The following KCNK10 variants were observed in gnomAD, a reference collection of about 807,000 sequenced individuals.
KCNK10 encodes the protein potassium two pore domain channel subfamily K member 10, also known as potassium channel subfamily K member 10.
Under a neutral mutation model 47.7 loss-of-function variants are expected in KCNK10, and 25 were observed. That is an observed-to-expected ratio of 0.52 (90% CI 0.38 to 0.73). KCNK10 has a LOEUF of 0.73. Ranked by LOEUF, KCNK10 falls within the 30% of genes least tolerant of loss-of-function variation. KCNK10 has a pLI of 0.00. For missense variants in KCNK10, 563 were observed against 714.5 expected, an observed-to-expected ratio of 0.79 and a Z score of 2.42; for synonymous variants, 303 against 285.6, an observed-to-expected ratio of 1.06 and a Z score of -0.61.
chr14:88,212,674 A>G (rs1468508107), intron 4 of KCNK10, among the ~76,000 whole-genome samples: 1 of 152,190 alleles, frequency 6.6e-6, no homozygotes, highest in Admixed American at 6.5e-5. Flanking sequence ...CACCTATAGG[A>G]TGAGAACTAC....
chr14:88,326,348 G>A (rs1437831965), upstream of KCNK10: 1 of 1,352,892 alleles, frequency 7.4e-7, no homozygotes, highest in African/African-American at 1.4e-5. Flanking sequence ...TTAGCCCTTT[G>A]GGCTACTGCA....
intron 3 of KCNK10, among the ~76,000 whole-genome samples, chr14:88,233,400 G>A (rs116234186): frequency 0.013 from 2,010 of 152,212 alleles, 35 homozygotes; most frequent in African/African-American, 0.046. Context: ...CCAAAGCTCC[G>A]GCAAAAGCCC....
At chr14:88,221,233 C>T (rs547601036) in intron 4 of KCNK10, among the ~76,000 whole-genome samples, 56 of 151,526 alleles carry the variant, frequency 3.7e-4, no homozygotes, top group African/African-American at 1.3e-3. Flanking sequence ...ACCTGGGAGG[C>T]AGAGGTTGCA....
chr14:88,304,082 T>C (rs938053171), intron 1 of KCNK10, among the ~76,000 whole-genome samples: 2 of 151,456 alleles, frequency 1.3e-5, no homozygotes, highest in African/African-American at 2.4e-5. Context: ...TTTGGGAGAG[T>C]GAGAAGGGGG....
chr14:88,272,154 A>G (rs189031094), intron 1 of KCNK10, among the ~76,000 whole-genome samples: 1 of 152,158 alleles, frequency 6.6e-6, no homozygotes, highest in East Asian at 1.9e-4. Flanking sequence ...CTGGAAAGGG[A>G]CAGAAGCAGT....
chr14:88,254,537 C>A (rs970128185), intron 2 of KCNK10, among the ~76,000 whole-genome samples: 13 of 152,188 alleles, frequency 8.5e-5, no homozygotes, highest in Non-Finnish European at 1.8e-4. Flanking sequence ...CAATGATCAT[C>A]CCTGCAAACC....
chr14:88,240,555 C>A, intron 3 of KCNK10, 148 bp downstream of exon 3: 1 of 588,312 alleles, frequency 1.7e-6, no homozygotes, highest in South Asian at 2.4e-5. Context: ...AAAGCCACCA[C>A]AATGACTGCA....
chr14:88,215,488 G>A (rs4904434), intron 4 of KCNK10, among the ~76,000 whole-genome samples: 45,496 of 152,054 alleles, frequency 0.3, 7,146 homozygotes, highest in Non-Finnish European at 0.34. Flanking sequence ...CAACACATGA[G>A]GATTATGGGA....
intron 1 of KCNK10, among the ~76,000 whole-genome samples, chr14:88,286,984 C>T (rs419634): frequency 0.76 from 116,200 of 152,202 alleles, 44,576 homozygotes; most frequent in African/African-American, 0.82. Context: ...ATTTATTGTT[C>T]ATTACAATAC....
chr14:88,302,016 G>T (rs932538069), intron 1 of KCNK10, among the ~76,000 whole-genome samples: 1 of 152,208 alleles, frequency 6.6e-6, no homozygotes, highest in Admixed American at 6.5e-5. Context: ...TGGAATGAGG[G>T]TGGCAGGAGC....
At chr14:88,198,781 A>G (rs530671644) in intron 4 of KCNK10, among the ~76,000 whole-genome samples, 7 of 152,242 alleles carry the variant, frequency 4.6e-5, no homozygotes, top group African/African-American at 1.7e-4. Context: ...GTGATCTCCT[A>G]TCTAATTCTG....
At chr14:88,280,584 G>C (rs1001678290) in intron 1 of KCNK10, among the ~76,000 whole-genome samples, 1 of 152,100 alleles carries the variant, frequency 6.6e-6, no homozygotes, top group Non-Finnish European at 1.5e-5. Context: ...AATTGCGCTT[G>C]TTAGTTGACC....
intron 4 of KCNK10, among the ~76,000 whole-genome samples, chr14:88,198,890 G>GTCTTA (rs1885008167): frequency 1.8e-5 from 1 of 54,646 alleles, no homozygotes; most frequent in Admixed American, 1.5e-4. Flanking sequence ...CATCTCCTTT[G>GTCTTA]TCTTATTTTA....
intron 1 of KCNK10, among the ~76,000 whole-genome samples, chr14:88,295,213 T>C (rs1887962458): frequency 6.6e-6 from 1 of 152,358 alleles, no homozygotes; most frequent in East Asian, 1.9e-4. Flanking sequence ...CTTTGCTCTG[T>C]CACCCTTGTG....
At chr14:88,189,524 C>A (rs1235045491) in intron 5 of KCNK10, among the ~76,000 whole-genome samples, 2 of 152,128 alleles carry the variant, frequency 1.3e-5, no homozygotes, top group African/African-American at 4.8e-5. Flanking sequence ...AAGATGGTCA[C>A]TAGGGTGCGC....
chr14:88,232,299 G>A (rs1956541), intron 3 of KCNK10, among the ~76,000 whole-genome samples: 33,220 of 152,100 alleles, frequency 0.22, 3,796 homozygotes, highest in East Asian at 0.39. Flanking sequence ...GATCGCAAGG[G>A]AACAGGCCAA....
chr14:88,317,266 T>C (rs1888447730), intron 1 of KCNK10, among the ~76,000 whole-genome samples: 1 of 152,234 alleles, frequency 6.6e-6, no homozygotes, highest in South Asian at 2.1e-4. Flanking sequence ...TCCGCAAATG[T>C]GTGTTTGGAA....
intron 1 of KCNK10, among the ~76,000 whole-genome samples, chr14:88,266,996 C>A (rs985857909): frequency 6.6e-6 from 1 of 152,168 alleles, no homozygotes; most frequent in African/African-American, 2.4e-5. Flanking sequence ...TGAACAGAAT[C>A]CACCCATGCC....
chr14:88,289,084 T>C (rs1032912007), intron 1 of KCNK10, among the ~76,000 whole-genome samples: 1 of 152,176 alleles, frequency 6.6e-6, no homozygotes, highest in Non-Finnish European at 1.5e-5. Context: ...TTGGTCTCAT[T>C]ATAACACCAC....
Sources: allele counts gnomAD v4.1 joint callset (sites outside exome capture counted in the v4.1 genomes callset), GRCh38; gene constraint gnomAD v4.1.1; transcripts MANE v1.5; gene names NCBI Gene and HGNC (gene_info 2026-07-23, HGNC 2026-07-21).